The following VGLL4 variants were observed in gnomAD, a reference collection of about 807,000 sequenced individuals.
The protein encoded by VGLL4 is transcription cofactor vestigial-like protein 4.
VGLL4 carries 7 observed loss-of-function variants against 21.0 expected under a neutral mutation model. The ratio of observed to expected loss-of-function variants is 0.33; its 90% CI spans 0.19 to 0.63. The LOEUF (loss-of-function observed/expected upper bound fraction) is 0.63, where lower values mean the gene tolerates loss of function less well. Among genes scored for constraint, VGLL4 ranks in the 20% least tolerant of loss-of-function variants. VGLL4 has a pLI of 0.78. For missense variants in VGLL4, 394 were observed against 425.7 expected, an observed-to-expected ratio of 0.93 and a Z score of 0.66; for synonymous variants, 222 against 173.2, an observed-to-expected ratio of 1.28 and a Z score of -2.21.
intron 2 of VGLL4, among the ~76,000 whole-genome samples, chr3:11,588,004 G>A (rs2074400012): frequency 6.6e-6 from 1 of 152,182 alleles, no homozygotes; most frequent in Non-Finnish European, 1.5e-5. Context: ...GAGCGGTGGC[G>A]CTCTGTTCTG....
intron 2 of VGLL4, among the ~76,000 whole-genome samples, chr3:11,600,054 T>C (rs2074753875): frequency 6.6e-6 from 1 of 152,156 alleles, no homozygotes; most frequent in Non-Finnish European, 1.5e-5. Flanking sequence ...ATATGTATAT[T>C]TTCTTACTCT....
In VGLL4 at chr3:11,589,320, T is replaced by A. The variant is rs565443136; in HGVS notation, c.272+12513A>T. On this transcript the variant is annotated intron_variant, in intron 2 of 4. Transcript: ENST00000430365. ...GGATGGAAGATAAGCAGGCACAGGG[T>A]CAAAGGAGGACAGAACCTCAAGTTT... is the stretch of plus-strand genomic sequence containing the variant. 3.3e-3 allele frequency among the ~76,000 whole-genome samples: 508 copies of A among 151,948 alleles called. 3 individuals are homozygous for A. Among genetic ancestry groups the A allele is most frequent in the Non-Finnish European group, 5.5e-3 (374 of 67,952 alleles).
intron 2 of VGLL4, among the ~76,000 whole-genome samples, chr3:11,681,243 G>A (rs2076364882): frequency 1.3e-5 from 2 of 151,992 alleles, no homozygotes; most frequent in South Asian, 2.1e-4. Flanking sequence ...GACTACAGGT[G>A]CCCGCCACCA....
chr3:11,653,224 G>A lies in VGLL4; in HGVS notation c.64+49747C>T, dbSNP rs929771205. On this transcript the variant is annotated intron_variant, in intron 2 of 5. Transcript: ENST00000273038. The surrounding 1 kb of genome is among the most constrained non-coding windows in gnomAD (Gnocchi z 4.2). ...TTCCAACCAGTTAGGGTGCCGTCCA[G>A]GAAAGAGAAATCATGGCTGTTATTT... Among the ~76,000 whole-genome samples the A allele has an allele frequency of 3.3e-5, 5 of 152,150 alleles. No homozygotes were observed. The highest frequency in any genetic ancestry group is 4.8e-5 in the African/African-American group (2 of 41,436).
chr3:11,691,081 C>A (rs2076520282), intron 2 of VGLL4, among the ~76,000 whole-genome samples: 1 of 151,574 alleles, frequency 6.6e-6, no homozygotes, highest in Non-Finnish European at 1.5e-5. Context: ...ATGTTACATC[C>A]CACTTTTTCA....
chr3:11,573,247 GAAAGAAAGAAAGAA>G lies in VGLL4; in HGVS notation c.273-8242_273-8229del, dbSNP rs2073853003. 5.4e-4 allele frequency among the ~76,000 whole-genome samples: 26 copies of G among 47,794 alleles called. 3 individuals are homozygous for G. The highest frequency in any genetic ancestry group is 1.2e-3 in the East Asian group (2 of 1,636). 31.4% of individuals were successfully genotyped at this position (47,794 alleles called of 152,430 possible). ...GACAGACAGAAAGAAAAGAAATAGAGAAAGAAAGAAAGAAAGAAAGAAAGAAAGAAAGAAAGAAA... is the reference window on the plus strand; with the variant it reads ...GACAGACAGAAAGAAAAGAAATAGAGAGAAAGAAAGAAAGAAAGAAAGAAA... On this transcript the variant is annotated intron_variant, in intron 2 of 4. Transcript: ENST00000430365.
chr3:11,622,657 G>A (rs1029893625), intron 1 of VGLL4, among the ~76,000 whole-genome samples: 3 of 152,232 alleles, frequency 2.0e-5, no homozygotes, highest in Non-Finnish European at 4.4e-5. Flanking sequence ...CAAATTAAAT[G>A]GATGAGTGGT....
chr3:11,631,878 C>G (rs563424640), intron 1 of VGLL4, among the ~76,000 whole-genome samples: 12 of 152,158 alleles, frequency 7.9e-5, no homozygotes, highest in South Asian at 2.1e-4. Context: ...CTAGCCCTCA[C>G]GAAGTACTCC....
chr3:11,671,519 C>G (rs2125368429), intron 2 of VGLL4: 1 of 612,832 alleles, frequency 1.6e-6, no homozygotes, highest in African/African-American at 1.8e-5. Context: ...CGCAGTCTGC[C>G]CTGCAGAGCC....
intron 2 of VGLL4, among the ~76,000 whole-genome samples, chr3:11,571,842 C>A (rs1033539029): frequency 6.6e-6 from 1 of 152,146 alleles, no homozygotes; most frequent in African/African-American, 2.4e-5. Flanking sequence ...CACAGTGGCT[C>A]ACACCTGTAA....
At chr3:11,656,037 T>C (rs1197329159) in intron 2 of VGLL4, among the ~76,000 whole-genome samples, 1 of 152,128 alleles carries the variant, frequency 6.6e-6, no homozygotes, top group Non-Finnish European at 1.5e-5. Context: ...AACTGAAGAA[T>C]GAAGGAAGTC....
chr3:11,720,654 G>A (rs2076985610), exon 1 of VGLL4: 1 of 152,302 alleles, frequency 6.6e-6, no homozygotes, highest in Non-Finnish European at 1.5e-5. Flanking sequence ...AGGGAGATCG[G>A]AGTGGAAAGA....
intron 2 of VGLL4, among the ~76,000 whole-genome samples, chr3:11,685,088 T>C (rs2076427288): frequency 1.3e-5 from 2 of 152,140 alleles, no homozygotes; most frequent in Non-Finnish European, 2.9e-5. Context: ...AGGTATTTGG[T>C]TTTTTGTTCC....
rs2075907655 is a variant in VGLL4, at chr3:11,653,423, C to T, written c.64+49548G>A. Among the ~76,000 whole-genome samples the T allele has an allele frequency of 6.6e-6, 1 of 152,214 alleles. No homozygotes were observed. Among genetic ancestry groups the T allele is most frequent in the South Asian group, 2.1e-4 (1 of 4,830 alleles). Reference sequence around the variant, plus strand: ...CTTGTGGCTGGATTCCTTCACTCCACATATTTTATGAGTGGTAGCATTATT... The same window carrying T: ...CTTGTGGCTGGATTCCTTCACTCCATATATTTTATGAGTGGTAGCATTATT... On this transcript the variant is annotated intron_variant, in intron 2 of 5. Coordinates refer to the VGLL4 transcript ENST00000273038. This position sits in a 1 kb window ranked among gnomAD's most constrained non-coding sequence, Gnocchi z 4.2.
chr3:11,682,125 C>T (rs922283862), intron 2 of VGLL4, among the ~76,000 whole-genome samples: 2 of 151,956 alleles, frequency 1.3e-5, no homozygotes, highest in African/African-American at 2.4e-5. Context: ...CAGGTGTGGC[C>T]GGGTGCAGTG....
At chr3:11,578,990 C>T (rs529730336) in intron 2 of VGLL4, among the ~76,000 whole-genome samples, 101 of 151,882 alleles carry the variant, frequency 6.6e-4, no homozygotes, top group African/African-American at 2.1e-3. Context: ...CCTCATGATC[C>T]GCCCGCCTCA....
intron 2 of VGLL4, among the ~76,000 whole-genome samples, chr3:11,658,393 AG>A (rs2075986754): frequency 6.6e-6 from 1 of 151,986 alleles, no homozygotes; most frequent in Admixed American, 6.5e-5. Flanking sequence ...GAACATTTCT[AG>A]TTTGGTCTGG....
chr3:11,616,148 C>T (rs1316755845), intron 1 of VGLL4, among the ~76,000 whole-genome samples: 1 of 152,108 alleles, frequency 6.6e-6, no homozygotes, highest in East Asian at 1.9e-4. Flanking sequence ...TTCCCTCCCC[C>T]GCCCCTCAGA....
Position 11,719,530 on chromosome 3 carries a change from A to C in VGLL4, c.-14+864T>G, listed in dbSNP as rs999579626. On this transcript the variant is annotated intron_variant, in intron 1 of 5. Transcript: ENST00000273038. This position sits in a 1 kb window ranked among gnomAD's most constrained non-coding sequence, Gnocchi z 4.0. ...GCACCCCGAGGGCGCGCAGACGCAC[A>C]GGCGGGCTCGCGCCCGAGCCCCCGC... 3.3e-5 allele frequency: 5 copies of C among 149,988 alleles called. No individual in the cohort carries two copies. The highest frequency in any genetic ancestry group is 2.6e-4 in the Admixed American group (4 of 15,104). The allele number at this position is 149,988 out of a possible 1,614,324, so 9.3% of individuals were successfully genotyped here. A position where few individuals can be genotyped will look rare whatever the true frequency, so the allele number is the denominator to read the frequency against.
Sources: allele counts gnomAD v4.1 joint callset (sites outside exome capture counted in the v4.1 genomes callset), GRCh38; gene constraint gnomAD v4.1.1; non-coding constraint Gnocchi (gnomAD v3.1); transcripts MANE v1.5; gene names NCBI Gene and HGNC (gene_info 2026-07-23, HGNC 2026-07-21).